The following RORA variants were observed in gnomAD, a reference collection of about 807,000 sequenced individuals.
RORA encodes RAR related orphan receptor A, also known as nuclear receptor ROR-alpha.
Under a neutral mutation model 69.5 loss-of-function variants are expected in RORA, and 7 were observed. The ratio of observed to expected loss-of-function variants is 0.10; its 90% CI spans 0.06 to 0.19. The LOEUF is 0.19. Among genes scored for constraint, RORA ranks in the 10% least tolerant of loss-of-function variants. The pLI is 1.00. For synonymous variants in RORA, 261 were observed against 240.8 expected, an observed-to-expected ratio of 1.08 and a Z score of -0.78; for missense variants, 457 against 663.0, an observed-to-expected ratio of 0.69 and a Z score of 3.41.
chr15:60,552,629 AG>A (rs1413451727), intron 2 of RORA, among the ~76,000 whole-genome samples: 1 of 152,228 alleles, frequency 6.6e-6, no homozygotes, highest in Non-Finnish European at 1.5e-5. Context: ...GTGGAATGAA[AG>A]GGTTATTAAA....
At chr15:60,578,391 A>G (rs1054817660) in intron 2 of RORA, among the ~76,000 whole-genome samples, 3 of 152,192 alleles carry the variant, frequency 2.0e-5, no homozygotes, top group African/African-American at 7.2e-5. Context: ...GGTTGGATAC[A>G]AGTTTTCCAA....
At chr15:60,731,281 C>T (rs1349288806) in intron 1 of RORA, among the ~76,000 whole-genome samples, 3 of 152,188 alleles carry the variant, frequency 2.0e-5, no homozygotes, top group Non-Finnish European at 2.9e-5. Context: ...AAAATTCATT[C>T]CTTTGGTCTA....
At chr15:60,871,156 A>C (rs1326180444) in intron 1 of RORA, among the ~76,000 whole-genome samples, 1 of 152,234 alleles carries the variant, frequency 6.6e-6, no homozygotes, top group Non-Finnish European at 1.5e-5. Flanking sequence ...AGTCTACAAA[A>C]GGAGATGGGT....
chr15:61,110,375 C>G (rs540791683), intron 1 of RORA, among the ~76,000 whole-genome samples: 30 of 146,586 alleles, frequency 2.0e-4, no homozygotes, highest in South Asian at 1.5e-3. Flanking sequence ...AGCCTGGCAA[C>G]AGAGCGAGAC....
At chr15:60,592,624 TC>T in intron 2 of RORA, 1 of 1,129,974 alleles carries the variant, frequency 8.8e-7, no homozygotes, top group Non-Finnish European at 1.1e-6. Context: ...CTCCGCTTCC[TC>T]CCGGGGCGGG....
intron 1 of RORA, among the ~76,000 whole-genome samples, chr15:61,156,808 AGT>A (rs1332335055): frequency 6.6e-6 from 1 of 152,222 alleles, no homozygotes; most frequent in African/African-American, 2.4e-5. Context: ...TTTATAACTT[AGT>A]ACTGGCCCAT....
chr15:60,837,426 C>T (rs1413650344), intron 1 of RORA, among the ~76,000 whole-genome samples: 1 of 152,212 alleles, frequency 6.6e-6, no homozygotes, highest in Non-Finnish European at 1.5e-5. Context: ...AAGAAGGATG[C>T]ACATATATCA....
chr15:60,503,316 A>G (rs2065388701), intron 7 of RORA, among the ~76,000 whole-genome samples: 1 of 152,192 alleles, frequency 6.6e-6, no homozygotes, highest in Non-Finnish European at 1.5e-5. Context: ...GGTGACCTTC[A>G]AATTAATCTT....
At chr15:61,184,080 T>C (rs2079715599) in intron 1 of RORA, among the ~76,000 whole-genome samples, 1 of 152,166 alleles carries the variant, frequency 6.6e-6, no homozygotes. Context: ...CAAAAACACA[T>C]CTCTGAACAG....
rs1202519639 is a variant in RORA, at chr15:60,496,808, C to T, written c.*647G>A. On this transcript the variant is annotated 3_prime_UTR_variant, in exon 11 of 11. Coordinates refer to ENST00000335670, the MANE Select transcript of RORA (RefSeq NM_134261.3). This position sits in a 1 kb window ranked among gnomAD's most constrained non-coding sequence, Gnocchi z 4.5. ...AAGGTGCAAAATGAAAGTGCCTTAT[C>T]AATTCAACAGGAAAAGCTACACCAG... The T allele has an allele frequency of 1.3e-5, 2 of 152,172 alleles. No individual in the cohort carries two copies. The highest frequency in any genetic ancestry group is 4.8e-5 in the African/African-American group (2 of 41,438). The allele number at this position is 152,172 out of a possible 1,614,324, so 9.4% of individuals were successfully genotyped here. A position where few individuals can be genotyped will look rare whatever the true frequency, so the allele number is the denominator to read the frequency against.
intron 2 of RORA, among the ~76,000 whole-genome samples, chr15:60,570,176 A>G (rs1041833454): frequency 1.3e-5 from 2 of 152,296 alleles, no homozygotes; most frequent in Middle Eastern, 6.8e-3. Flanking sequence ...CGGGCACTTC[A>G]TAAATATTTG....
chr15:60,555,123 C>G (rs1403480069), intron 2 of RORA, among the ~76,000 whole-genome samples: 1 of 152,092 alleles, frequency 6.6e-6, no homozygotes, highest in African/African-American at 2.4e-5. Flanking sequence ...CACTGCAGTT[C>G]TTAGCTTCTC....
At chr15:61,030,322 G>T (rs1306152667) in intron 1 of RORA, among the ~76,000 whole-genome samples, 2 of 152,196 alleles carry the variant, frequency 1.3e-5, no homozygotes, top group Non-Finnish European at 2.9e-5. Flanking sequence ...ATTGATGGTT[G>T]TATTATGTAT....
Position 61,120,321 on chromosome 15 carries a change from ATG to A in RORA, c.166+108730_166+108731del, listed in dbSNP as rs1436248251. Among the ~76,000 whole-genome samples, 487 of 152,268 alleles carry A rather than the reference ATG, an allele frequency of 3.2e-3. 2 individuals are homozygous for A. The highest frequency in any genetic ancestry group is 0.011 in the African/African-American group (453 of 41,536). On this transcript the variant is annotated intron_variant, in intron 1 of 10. Transcript: ENST00000335670. ...CAGACCAATCAAATCAGAATCTGAT[ATG>A]CAAGCAGAGCTGAAGACCATTGTTC...
At chr15:61,078,025 C>G (rs1261609393) in intron 1 of RORA, among the ~76,000 whole-genome samples, 1 of 152,134 alleles carries the variant, frequency 6.6e-6, no homozygotes, top group Non-Finnish European at 1.5e-5. Context: ...AGAGAGCAAG[C>G]ACTCTTGTAC....
chr15:60,555,690 T>A lies in RORA; in HGVS notation c.197-23839A>T, dbSNP rs562067964. Among the ~76,000 whole-genome samples the A allele has an allele frequency of 2.0e-5, 3 of 152,184 alleles. No individual in the cohort carries two copies. In the East Asian group the frequency reaches 5.8e-4, roughly 29 times the overall value. On this transcript the variant is annotated intron_variant, in intron 2 of 10. Coordinates refer to ENST00000335670, the MANE Select transcript of RORA (RefSeq NM_134261.3). ...GAATGAAGTGGTCTTGTGTTCATAT[T>A]CACAGGTGGGAAGAAAAGGAAGGTG...
At chr15:60,607,440 C>A (rs340009) in intron 2 of RORA, among the ~76,000 whole-genome samples, 62,612 of 151,954 alleles carry the variant, frequency 0.41, 12,984 homozygotes, top group African/African-American at 0.46. Context: ...TTTTCTGATA[C>A]TGCCTTGAAT....
At position 60,788,428 on chromosome 15, in the gene RORA, G is replaced by A. The variant is rs189762688; in HGVS notation, c.167-109742C>T. On this transcript the variant is annotated intron_variant, in intron 1 of 10. Transcript: ENST00000335670. ...CGCACAGCTCAAGACATTTTAGTGG[G>A]AAGTTAAGGGTTCCAAACTCCCCTC... 7.9e-5 allele frequency among the ~76,000 whole-genome samples: 12 copies of A among 152,294 alleles called. No individual in the cohort carries two copies. The East Asian group carries it at 1.9e-3, about 25-fold the overall frequency.
Position 60,837,928 on chromosome 15 carries a change from T to C in RORA, c.167-159242A>G, listed in dbSNP as rs116783050. Among the ~76,000 whole-genome samples the C allele has an allele frequency of 5.2e-3, 792 of 152,314 alleles. 5 individuals are homozygous for C. The highest frequency in any genetic ancestry group is 0.018 in the African/African-American group (750 of 41,568). On this transcript the variant is annotated intron_variant, in intron 1 of 10. Coordinates refer to ENST00000335670, the MANE Select transcript of RORA (RefSeq NM_134261.3). ...AAGAGCTGCCTCCTTCATGTCTGTG[T>C]CCTTGTTGCCTAGCATGGGAGCTGG... is the stretch of plus-strand genomic sequence containing the variant.
Sources: gnomAD v4.1 joint callset for allele counts (sites outside exome capture counted in the v4.1 genomes callset) on GRCh38, gnomAD v4.1.1 for gene constraint, Gnocchi (gnomAD v3.1) non-coding constraint, MANE v1.5 for transcripts, NCBI Gene and HGNC (gene_info 2026-07-23, HGNC 2026-07-21) for gene names.